The following PLEK variants were observed in gnomAD, a reference collection of about 807,000 sequenced individuals.
The protein encoded by PLEK is platelet 47 kDa protein.
A neutral mutation model predicts 43.9 loss-of-function variants in PLEK; 25 were observed. That is an observed-to-expected ratio of 0.57 (90% CI 0.41 to 0.79). The LOEUF is 0.79. Among genes scored for constraint, PLEK ranks in the 30% least tolerant of loss-of-function variants. The probability of loss-of-function intolerance (pLI) is 0.00; values close to 1 mark genes in which losing one functional copy is unlikely to be tolerated. For synonymous variants in PLEK, 152 were observed against 144.4 expected (o/e 1.05, Z -0.38); for missense variants, 396 against 413.3 (o/e 0.96, Z 0.36).
At chr2:68,365,581 C>T (rs1012101440) in intron 1 of PLEK, 188 bp downstream of exon 1, 17 of 540,944 alleles carry the variant, frequency 3.1e-5, no homozygotes, top group Middle Eastern at 4.5e-4. Context: ...CATCCAGCCC[C>T]GGCTTCCTTA....
chr2:68,389,546 G>A (rs763839149), intron 6 of PLEK, among the ~76,000 whole-genome samples: 14 of 152,206 alleles, frequency 9.2e-5, no homozygotes, highest in Non-Finnish European at 1.9e-4. Flanking sequence ...GAGGGACTCT[G>A]GGCTGGGATA....
intron 6 of PLEK, among the ~76,000 whole-genome samples, chr2:68,389,913 G>A: frequency 6.6e-6 from 1 of 152,102 alleles, no homozygotes; most frequent in East Asian, 1.9e-4. Context: ...AGAGTAACTT[G>A]GGAGGAAATT....
chr2:68,365,686 A>G, intron 1 of PLEK: 1 of 335,894 alleles, frequency 3.0e-6, no homozygotes, highest in African/African-American at 2.1e-5. Flanking sequence ...ATCCTTTTTA[A>G]GAGGCACACA....
chr2:68,380,284 G>T (rs1673586291), intron 1 of PLEK, 44 bp from the exon 2 acceptor site: 1 of 1,523,456 alleles, frequency 6.6e-7, no homozygotes, highest in South Asian at 1.2e-5. Context: ...AATACAGTTT[G>T]CAAAGAGCCC....
intron 1 of PLEK, among the ~76,000 whole-genome samples, chr2:68,374,699 T>C (rs1673470239): frequency 6.6e-6 from 1 of 152,188 alleles, no homozygotes; most frequent in Non-Finnish European, 1.5e-5. Flanking sequence ...TAACCATTAT[T>C]GTAATATTTT....
At chr2:68,379,919 A>G (rs181082138) in intron 1 of PLEK, among the ~76,000 whole-genome samples, 1 of 152,302 alleles carries the variant, frequency 6.6e-6, no homozygotes, top group East Asian at 1.9e-4. Flanking sequence ...CTACATGAGG[A>G]AATATATAAC....
chr2:68,375,805 C>A (rs1324459675), intron 1 of PLEK, among the ~76,000 whole-genome samples: 1 of 152,114 alleles, frequency 6.6e-6, no homozygotes, highest in South Asian at 2.1e-4. Flanking sequence ...AAGAATAGAC[C>A]TTTGCCAAAT....
intron 1 of PLEK, among the ~76,000 whole-genome samples, chr2:68,378,750 T>C (rs1324140914): frequency 6.6e-6 from 1 of 152,234 alleles, no homozygotes. Context: ...TCTAGAAATC[T>C]CTGAGGTAGT....
At chr2:68,369,450 C>T (rs78664456) in intron 1 of PLEK, among the ~76,000 whole-genome samples, 5 of 151,180 alleles carry the variant, frequency 3.3e-5, no homozygotes, top group Admixed American at 6.6e-5. Context: ...TATGCCAGAG[C>T]GACTCCACAG....
At chr2:68,390,349 GC>G (rs1473516519) in intron 6 of PLEK, among the ~76,000 whole-genome samples, 1 of 152,194 alleles carries the variant, frequency 6.6e-6, no homozygotes, top group Non-Finnish European at 1.5e-5. Context: ...ATTCTGATGT[GC>G]AGCCAAAGCT....
rs1490116913 is a variant in PLEK, at chr2:68,396,765, T to A, written c.*949T>A. On this transcript the variant is annotated 3_prime_UTR_variant, in exon 9 of 9. Coordinates refer to ENST00000234313, the MANE Select transcript of PLEK (RefSeq NM_002664.3). ...CCCATGGGTGAGAGGCCTGGGCAAC[T>A]GCCTGGTGAATGTGTCTTGCGGCAG... 6.6e-6 allele frequency: 1 copy of A among 152,268 alleles called. No homozygotes were observed. The highest frequency in any genetic ancestry group is 1.5e-5 in the Non-Finnish European group (1 of 68,110). The allele number at this position is 152,268 out of a possible 1,614,324, so 9.4% of individuals were successfully genotyped here. A position where few individuals can be genotyped will look rare whatever the true frequency, so the allele number is the denominator to read the frequency against.
intron 1 of PLEK, among the ~76,000 whole-genome samples, chr2:68,373,061 C>G (rs930887965): frequency 9.9e-5 from 15 of 152,156 alleles, no homozygotes; most frequent in African/African-American, 3.4e-4. Flanking sequence ...TTTGGACATT[C>G]CATAATCACA....
At chr2:68,390,427 A>G (rs889867787) in intron 6 of PLEK, among the ~76,000 whole-genome samples, 1 of 152,230 alleles carries the variant, frequency 6.6e-6, no homozygotes, top group African/African-American at 2.4e-5. Flanking sequence ...CAAGTTAAAT[A>G]GTCTTTCTTA....
rs1017768562 is a variant in PLEK at position 68,396,049 on chromosome 2, T to C, written c.*233T>C. 2.1e-6 allele frequency: 1 copy of C among 469,454 alleles called. No individual in the cohort carries two copies. Among genetic ancestry groups the C allele is most frequent in the African/African-American group, 1.9e-5 (1 of 51,950 alleles). 29.1% of individuals were successfully genotyped at this position (469,454 alleles called of 1,614,324 possible). A position where few individuals can be genotyped will look rare whatever the true frequency, so the allele number is the denominator to read the frequency against. ...TGACCCCCAAGCAGATATAACAAGCTGTGCAGCCTCAGTAGGCTGCTTGCC... is the reference window on the plus strand; with the variant it reads ...TGACCCCCAAGCAGATATAACAAGCCGTGCAGCCTCAGTAGGCTGCTTGCC... On this transcript the variant is annotated 3_prime_UTR_variant, in exon 9 of 9. Transcript: ENST00000234313.
At chr2:68,389,157 A>G (rs755841649) in intron 6 of PLEK, among the ~76,000 whole-genome samples, 9 of 152,254 alleles carry the variant, frequency 5.9e-5, no homozygotes, top group Non-Finnish European at 8.8e-5. Flanking sequence ...TATGATGCCA[A>G]GAGGTAAGAG....
At position 68,396,420 on chromosome 2, in the gene PLEK, A is replaced by G. The variant is rs1367152432; in HGVS notation, c.*604A>G. 1 of 152,076 alleles carries G rather than the reference A, an allele frequency of 6.6e-6. No individual in the cohort carries two copies. Among genetic ancestry groups the G allele is most frequent in the Non-Finnish European group, 1.5e-5 (1 of 68,030 alleles). The allele number at this position is 152,076 out of a possible 1,614,324, so 9.4% of individuals were successfully genotyped here. ...AGGAGGGCTCTCTTCTTTCTTCCTC[A>G]TCCTACTCAAAAACTTCCCGAGAGC... On this transcript the variant is annotated 3_prime_UTR_variant, in exon 9 of 9. Coordinates refer to ENST00000234313, the MANE Select transcript of PLEK (RefSeq NM_002664.3).
intron 7 of PLEK, 134 bp from the exon 8 acceptor site, chr2:68,393,973 A>T: frequency 4.9e-6 from 3 of 607,606 alleles, no homozygotes; most frequent in Non-Finnish European, 9.2e-6. Context: ...TTTTTCTTTA[A>T]TCTCCTTCTG....
At chr2:68,378,154 A>G (rs1212810271) in intron 1 of PLEK, among the ~76,000 whole-genome samples, 2 of 152,166 alleles carry the variant, frequency 1.3e-5, no homozygotes, top group Admixed American at 1.3e-4. Context: ...TTTATACATG[A>G]TCTAAATCTA....
intron 5 of PLEK, among the ~76,000 whole-genome samples, chr2:68,387,130 C>T (rs368059840): frequency 7.2e-5 from 11 of 152,200 alleles, no homozygotes; most frequent in African/African-American, 2.4e-4. Flanking sequence ...CTCAGCTTCC[C>T]GAGTAGCTAG....
Sources: gnomAD v4.1 joint callset for allele counts (sites outside exome capture counted in the v4.1 genomes callset) on GRCh38, gnomAD v4.1.1 for gene constraint, MANE v1.5 for transcripts, NCBI Gene and HGNC (gene_info 2026-07-23, HGNC 2026-07-21) for gene names.